The following SLX4IP variants were observed in gnomAD, a reference collection of about 807,000 sequenced individuals.
The protein encoded by SLX4IP is SLX4 interacting protein, also known as protein SLX4IP.
In SLX4IP, 34 loss-of-function variants were observed where a neutral mutation model predicts 32.9. The observed-to-expected ratio is 1.03, with a 90% CI of 0.79 to 1.38. The LOEUF is 1.38. Ranked by LOEUF, SLX4IP falls within the 40% of genes most tolerant of loss-of-function variation. The pLI, the probability that SLX4IP is intolerant of heterozygous loss-of-function variation, is 0.00. For missense variants in SLX4IP, 444 were observed against 479.0 expected (o/e 0.93, Z 0.68); for synonymous variants, 172 against 171.7 (o/e 1.00, Z -0.01).
intron 2 of SLX4IP, among the ~76,000 whole-genome samples, chr20:10,525,970 G>A (rs2065937065): frequency 6.6e-6 from 1 of 152,108 alleles, no homozygotes; most frequent in East Asian, 1.9e-4. Flanking sequence ...CTTGCTGCCG[G>A]CATTCTTGGA....
chr20:10,504,839 G>A (rs1191699435), intron 2 of SLX4IP, among the ~76,000 whole-genome samples: 1 of 152,020 alleles, frequency 6.6e-6, no homozygotes, highest in Non-Finnish European at 1.5e-5. Flanking sequence ...TACCCCCAAA[G>A]TGAATTTTAA....
intron 4 of SLX4IP, among the ~76,000 whole-genome samples, chr20:10,566,283 ATTTTTTTTTT>A (rs59907123): frequency 0.03 from 2,893 of 97,910 alleles, 45 homozygotes; most frequent in Admixed American, 0.1. Flanking sequence ...AACTGATTAC[ATTTTTTTTTT>A]TTTTTTTTTT....
intron 6 of SLX4IP, among the ~76,000 whole-genome samples, chr20:10,620,721 T>G (rs2067099984): frequency 6.6e-6 from 1 of 150,972 alleles, no homozygotes; most frequent in South Asian, 2.1e-4. Flanking sequence ...GTCCCGCTAG[T>G]TTTTTTTGTA....
chr20:10,503,961 A>AT (rs1418288350), intron 2 of SLX4IP, among the ~76,000 whole-genome samples: 1 of 152,172 alleles, frequency 6.6e-6, no homozygotes, highest in Non-Finnish European at 1.5e-5. Flanking sequence ...TGCAAAGACT[A>AT]TTTCCAAATA....
intron 6 of SLX4IP, among the ~76,000 whole-genome samples, chr20:10,605,388 T>C (rs2066894296): frequency 6.6e-6 from 1 of 152,212 alleles, no homozygotes; most frequent in Non-Finnish European, 1.5e-5. Flanking sequence ...GCTTACAGTT[T>C]GGCAGATCAA....
chr20:10,572,714 G>T (rs2066479437), intron 4 of SLX4IP, among the ~76,000 whole-genome samples: 2 of 152,038 alleles, frequency 1.3e-5, no homozygotes, highest in African/African-American at 4.8e-5. Context: ...GTCTGCAGTG[G>T]CCTGCTTTTT....
At chr20:10,601,516 G>A (rs1030205346) in intron 5 of SLX4IP, among the ~76,000 whole-genome samples, 2 of 152,156 alleles carry the variant, frequency 1.3e-5, no homozygotes, top group Non-Finnish European at 1.5e-5. Flanking sequence ...GGGCGCAGGT[G>A]GACCAATTTG....
chr20:10,613,908 A>G, intron 6 of SLX4IP: 1 of 1,405,192 alleles, frequency 7.1e-7, no homozygotes, highest in Non-Finnish European at 1.0e-6. Context: ...CTTTTTAAAG[A>G]GTAGCCGCCA....
At chr20:10,482,653 A>G (rs1223867762) in intron 2 of SLX4IP, among the ~76,000 whole-genome samples, 1 of 152,202 alleles carries the variant, frequency 6.6e-6, no homozygotes, top group Non-Finnish European at 1.5e-5. Flanking sequence ...ATCCTCTGCC[A>G]TGGGAACATC....
At chr20:10,444,128 C>G (rs1481745082) in intron 1 of SLX4IP, among the ~76,000 whole-genome samples, 1 of 150,904 alleles carries the variant, frequency 6.6e-6, no homozygotes, top group East Asian at 1.9e-4. Flanking sequence ...GACTTATGCT[C>G]AGATACCTCT....
intron 6 of SLX4IP, among the ~76,000 whole-genome samples, chr20:10,617,195 G>A (rs968695579): frequency 2.0e-5 from 3 of 152,214 alleles, no homozygotes; most frequent in African/African-American, 7.2e-5. Flanking sequence ...ACCAGTTTGT[G>A]TTTGTTTATC....
intron 4 of SLX4IP, among the ~76,000 whole-genome samples, chr20:10,580,787 G>A (rs984573724): frequency 6.6e-6 from 1 of 152,088 alleles, no homozygotes; most frequent in African/African-American, 2.4e-5. Context: ...GTTCATACTG[G>A]CTCCTGGAAC....
Position 10,622,686 on chromosome 20 carries a change from T to A in SLX4IP, c.534T>A (p.Ser178Arg). 1.2e-6 allele frequency: 2 copies of A among 1,610,708 alleles called. No homozygotes were observed. The highest frequency in any genetic ancestry group is 1.7e-6 in the Non-Finnish European group (2 of 1,178,548). ...EIVKRTETKS[S>R]VTSKSQTRRD... ...TGAAAAGAACTGAAACAAAAAGCAG[T>A]GTCACGAGCAAATCGCAGACCAGAA... The change falls in exon 8 of 8, where the codon AGT becomes AGA. Residue 178 changes from serine to arginine, a missense_variant. Physicochemically the swap from Ser to Arg is moderately radical, Grantham distance 110. Transcript: ENST00000334534.
chr20:10,612,227 G>C (rs1313935618), intron 6 of SLX4IP, among the ~76,000 whole-genome samples: 2 of 152,162 alleles, frequency 1.3e-5, no homozygotes, highest in Non-Finnish European at 2.9e-5. Context: ...TTCCAAAGTT[G>C]CTTCCTACAC....
chr20:10,607,909 A>G (rs1228471963), intron 6 of SLX4IP, among the ~76,000 whole-genome samples: 1 of 152,196 alleles, frequency 6.6e-6, no homozygotes, highest in East Asian at 1.9e-4. Context: ...ATGTTTAGCC[A>G]GTATTTGTGA....
At chr20:10,504,895 C>T (rs564433033) in intron 2 of SLX4IP, among the ~76,000 whole-genome samples, 20 of 151,986 alleles carry the variant, frequency 1.3e-4, no homozygotes, top group Non-Finnish European at 2.1e-4. Flanking sequence ...AAAACTGTTC[C>T]GACCTATAGC....
intron 1 of SLX4IP, among the ~76,000 whole-genome samples, chr20:10,442,495 C>G (rs2065167290): frequency 6.6e-6 from 1 of 152,054 alleles, no homozygotes. Context: ...CAAGAATGCA[C>G]AATAGAAGAT....
At chr20:10,507,900 T>TC (rs1212593755) in intron 2 of SLX4IP, among the ~76,000 whole-genome samples, 3 of 116,188 alleles carry the variant, frequency 2.6e-5, no homozygotes, top group Middle Eastern at 4.2e-3. Context: ...GGATACAGTC[T>TC]CCTTTATATA....
intron 2 of SLX4IP, among the ~76,000 whole-genome samples, chr20:10,471,174 G>A (rs1471545599): frequency 6.6e-6 from 1 of 152,164 alleles, no homozygotes; most frequent in African/African-American, 2.4e-5. Context: ...GTATTTGAGG[G>A]ACTTGGCCTT....
Sources: gnomAD v4.1 joint callset for allele counts (sites outside exome capture counted in the v4.1 genomes callset) on GRCh38, gnomAD v4.1.1 for gene constraint, MANE v1.5 for transcripts, NCBI Gene and HGNC (gene_info 2026-07-23, HGNC 2026-07-21) for gene names.